SLC8A3: variants seen among roughly 807,000 people sequenced by gnomAD.
SLC8A3 encodes the protein sodium/calcium exchanger 3.
SLC8A3 carries 37 observed loss-of-function variants against 65.4 expected under a neutral mutation model. The ratio of observed to expected loss-of-function variants is 0.57; its 90% CI spans 0.44 to 0.74. SLC8A3 has a LOEUF of 0.74. Ranked by LOEUF, SLC8A3 falls within the 30% of genes least tolerant of loss-of-function variation. The pLI, the probability that SLC8A3 is intolerant of heterozygous loss-of-function variation, is 0.00. For missense variants in SLC8A3, 1,112 were observed against 1,172.1 expected (o/e 0.95, Z 0.75); for synonymous variants, 461 against 444.5 (o/e 1.04, Z -0.47).
chr14:70,124,786 A>G (rs1011087640), intron 2 of SLC8A3, among the ~76,000 whole-genome samples: 3 of 152,246 alleles, frequency 2.0e-5, no homozygotes, highest in Non-Finnish European at 4.4e-5. Flanking sequence ...TGGTGCCAAA[A>G]GAGCAAAAGG....
chr14:70,052,420 G>C (rs1400974757), intron 3 of SLC8A3, among the ~76,000 whole-genome samples: 1 of 152,184 alleles, frequency 6.6e-6, no homozygotes, highest in Non-Finnish European at 1.5e-5. Flanking sequence ...TGAGATGTTG[G>C]GGAACTGGGA....
At chr14:70,161,649 C>T (rs1315869254) in intron 2 of SLC8A3, among the ~76,000 whole-genome samples, 1 of 144,660 alleles carries the variant, frequency 6.9e-6, no homozygotes, top group Admixed American at 6.8e-5. Context: ...CATGAGCTTG[C>T]AGTCTTGTGA....
intron 5 of SLC8A3, among the ~76,000 whole-genome samples, chr14:70,050,447 C>T (rs895830367): frequency 6.6e-6 from 1 of 152,140 alleles, no homozygotes; most frequent in Non-Finnish European, 1.5e-5. Context: ...CCTGTTCCAA[C>T]CAGCAGTCCC....
At chr14:70,070,554 T>C (rs67611989) in intron 2 of SLC8A3, among the ~76,000 whole-genome samples, 30,423 of 152,138 alleles carry the variant, frequency 0.2, 3,194 homozygotes, top group Non-Finnish European at 0.22. Flanking sequence ...CTGGAGGAAA[T>C]GCTACTTACT....
At chr14:70,156,557 C>T (rs990669440) in intron 2 of SLC8A3, among the ~76,000 whole-genome samples, 16 of 152,202 alleles carry the variant, frequency 1.1e-4, no homozygotes, top group Non-Finnish European at 1.5e-5. Flanking sequence ...CACAAAAGGA[C>T]GGTCCCTATT....
chr14:70,136,889 A>G (rs61586717), intron 2 of SLC8A3, among the ~76,000 whole-genome samples: 5,802 of 152,288 alleles, frequency 0.038, 358 homozygotes, highest in African/African-American at 0.13. Flanking sequence ...CACGCATGAA[A>G]ATATTTTGAA....
chr14:70,174,909 G>A (rs529196606), intron 1 of SLC8A3, among the ~76,000 whole-genome samples: 30 of 152,244 alleles, frequency 2.0e-4, no homozygotes, highest in Admixed American at 1.6e-3. Flanking sequence ...TGTGGGCAGT[G>A]GCTGCACTGC....
intron 2 of SLC8A3, among the ~76,000 whole-genome samples, chr14:70,071,060 G>C (rs960381954): frequency 2.0e-5 from 3 of 152,200 alleles, no homozygotes; most frequent in African/African-American, 7.2e-5. Flanking sequence ...GAATAGTTCT[G>C]ATTGATTTAC....
At chr14:70,118,265 G>A (rs952080021) in intron 2 of SLC8A3, among the ~76,000 whole-genome samples, 2 of 152,192 alleles carry the variant, frequency 1.3e-5, no homozygotes, top group Admixed American at 6.5e-5. Flanking sequence ...GCTGCCTGAC[G>A]CTCTCTGGGC....
intron 2 of SLC8A3, among the ~76,000 whole-genome samples, chr14:70,106,569 G>A (rs1892886916): frequency 6.6e-6 from 1 of 152,078 alleles, no homozygotes; most frequent in Admixed American, 6.5e-5. Flanking sequence ...TGCTTGCAGT[G>A]AGAATGGTAA....
chr14:70,059,997 G>A (rs1888598279), intron 3 of SLC8A3, among the ~76,000 whole-genome samples: 1 of 152,182 alleles, frequency 6.6e-6, no homozygotes. Context: ...CCAACCTTGG[G>A]CTAGGAACAT....
Position 70,046,059 on chromosome 14 carries a change from A to G in SLC8A3, c.2654T>C (p.Leu885Pro). 6.2e-7 allele frequency: 1 copy of G among 1,614,096 alleles called. No homozygotes were observed. The highest frequency in any genetic ancestry group is 8.5e-7 in the Non-Finnish European group (1 of 1,180,002). The change falls in exon 7 of 7, where the codon CTT becomes CCT. Residue 885 changes from leucine (L) to proline (P), a missense_variant. Physicochemically the swap from Leu to Pro is moderately conservative, Grantham distance 98. Transcript: ENST00000356921. This position sits in a 1 kb window ranked among gnomAD's most constrained non-coding sequence, Gnocchi z 4.2. ...GAGCTTGCAGCCACGGGGGCCACCA[A>G]GCTCCCCTCCCAGGTGCGGCCGCCT... ...YRRRPHLGGELGGPRGCKLAT... is the reference protein window; with the variant it reads ...YRRRPHLGGEPGGPRGCKLAT...
intron 2 of SLC8A3, among the ~76,000 whole-genome samples, chr14:70,094,414 A>G (rs1473560838): frequency 6.6e-6 from 1 of 152,248 alleles, no homozygotes; most frequent in Non-Finnish European, 1.5e-5. Context: ...TCCTTCAATT[A>G]TAAAACCAAC....
At chr14:70,154,892 A>G (rs908667845) in intron 2 of SLC8A3, among the ~76,000 whole-genome samples, 4 of 151,244 alleles carry the variant, frequency 2.6e-5, no homozygotes, top group Non-Finnish European at 4.4e-5. Context: ...GGTAATTAGC[A>G]TATCTATCAC....
intron 2 of SLC8A3, among the ~76,000 whole-genome samples, chr14:70,150,046 T>C (rs933233194): frequency 6.6e-6 from 1 of 152,056 alleles, no homozygotes; most frequent in Admixed American, 6.5e-5. Context: ...AATCCCGGGA[T>C]TGGGGAGGGA....
At chr14:70,186,066 C>T (rs576244079) in intron 1 of SLC8A3, among the ~76,000 whole-genome samples, 1 of 152,270 alleles carries the variant, frequency 6.6e-6, no homozygotes, top group East Asian at 1.9e-4. Flanking sequence ...CCCTACGTGT[C>T]CTGGGAGGAA....
intron 2 of SLC8A3, among the ~76,000 whole-genome samples, chr14:70,119,197 C>CG (rs55821628): frequency 0.039 from 5,861 of 151,678 alleles, 471 homozygotes; most frequent in East Asian, 0.37. Context: ...CTTTTCCCCC[C>CG]ACCCTGGTGG....
intron 1 of SLC8A3, among the ~76,000 whole-genome samples, chr14:70,174,717 G>A (rs1897792193): frequency 8.2e-6 from 1 of 121,748 alleles, no homozygotes; most frequent in Admixed American, 1.0e-4. Flanking sequence ...CACTGTGCTA[G>A]CAATTGCAGG....
intron 2 of SLC8A3, among the ~76,000 whole-genome samples, chr14:70,152,977 G>A (rs1398237379): frequency 6.6e-6 from 1 of 152,216 alleles, no homozygotes; most frequent in Non-Finnish European, 1.5e-5. Flanking sequence ...TAGCTGAGCA[G>A]CACAGAAACA....
Sources: allele counts gnomAD v4.1 joint callset (sites outside exome capture counted in the v4.1 genomes callset), GRCh38; gene constraint gnomAD v4.1.1; non-coding constraint Gnocchi (gnomAD v3.1); transcripts MANE v1.5; gene names NCBI Gene and HGNC (gene_info 2026-07-23, HGNC 2026-07-21).